E2F7: variants seen among roughly 807,000 people sequenced by gnomAD.
E2F7 encodes the protein transcription factor E2F7.
A neutral mutation model predicts 81.1 loss-of-function variants in E2F7; 35 were observed. The ratio of observed to expected loss-of-function variants is 0.43; its 90% confidence interval spans 0.33 to 0.57. The LOEUF (loss-of-function observed/expected upper bound fraction) is 0.57. E2F7 is among the 20% of genes least tolerant of loss of function. The pLI is 0.04. For missense variants in E2F7, 961 were observed against 1,093.7 expected (o/e 0.88, Z 1.71); for synonymous variants, 416 against 416.2 (o/e 1.00, Z 0.01).
intron 1 of E2F7, 66 bp from the exon 2 acceptor site, chr12:77,064,701 T>A: frequency 7.7e-7 from 1 of 1,290,950 alleles, no homozygotes; most frequent in Non-Finnish European, 1.1e-6. Context: ...AACAAAAATA[T>A]CTACATATGT....
chr12:77,054,464 A>G (rs1032220390), intron 3 of E2F7, among the ~76,000 whole-genome samples: 7 of 152,216 alleles, frequency 4.6e-5, no homozygotes, highest in African/African-American at 1.7e-4. Flanking sequence ...CAAAAGATGT[A>G]TAACACCTGT....
At chr12:77,030,659 A>G (rs573361982) in intron 9 of E2F7, among the ~76,000 whole-genome samples, 81 of 152,304 alleles carry the variant, frequency 5.3e-4, no homozygotes, top group African/African-American at 1.9e-3. Flanking sequence ...GCATGTACAT[A>G]CTATTATAAT....
intron 3 of E2F7, among the ~76,000 whole-genome samples, chr12:77,054,339 A>G (rs1314917780): frequency 6.6e-6 from 1 of 152,106 alleles, no homozygotes; most frequent in Non-Finnish European, 1.5e-5. Flanking sequence ...ACACACACAC[A>G]AAAAAATCAA....
intron 10 of E2F7, among the ~76,000 whole-genome samples, chr12:77,029,124 C>G (rs1316357626): frequency 6.6e-6 from 1 of 152,204 alleles, no homozygotes; most frequent in Non-Finnish European, 1.5e-5. Flanking sequence ...TCTTTCACTT[C>G]TGATCTGCAA....
At chr12:77,046,611 T>C (rs1954944944) in intron 4 of E2F7, among the ~76,000 whole-genome samples, 1 of 152,240 alleles carries the variant, frequency 6.6e-6, no homozygotes, top group South Asian at 2.1e-4. Context: ...AACTGCTCTT[T>C]AGACCCATTA....
In E2F7 at chr12:77,055,991, G is replaced by A. The variant is rs146505406; in HGVS notation, c.233C>T (p.Ala78Val). ...GTTAGCTGTGGGTGTCCATGGTTCC[G>A]CTTGCTGTCTGTCAACAAACTTAAC... ...TPVKFVDRQQ[A>V]EPWTPTANLK... is the part of the protein sequence containing the mutation. Residue 78 changes from alanine to valine, a missense_variant, in exon 3 of 13, where the codon GCG becomes GTG. Physicochemically the swap from Ala to Val is moderately conservative, Grantham distance 64. Coordinates refer to ENST00000322886, the MANE Select transcript of E2F7 (RefSeq NM_203394.3). 6.7e-5 allele frequency: 108 copies of A among 1,613,994 alleles called. No homozygotes were observed. The highest frequency in any genetic ancestry group is 1.6e-4 in the Middle Eastern group (1 of 6,084).
chr12:77,024,024 G>T lies in E2F7; in HGVS notation c.2727C>A (p.Gly909=). The T allele has an allele frequency of 6.2e-7, 1 of 1,613,414 alleles. No individual in the cohort carries two copies. Residue 909 remains glycine, a synonymous_variant, in exon 13 of 13, where the codon GGC becomes GGA. Coordinates refer to ENST00000322886, the MANE Select transcript of E2F7 (RefSeq NM_203394.3). The stretch of plus-strand genomic sequence containing the variant: ...CTGGCAAAGCGGCAGGTTAGTCAGC[G>T]CCGCCGCTGGGGATTTCTAGTCTCC... The part of the protein sequence containing the change: ...AQRRLEIPSG[G]AD
chr12:77,062,617 G>T (rs944726043), intron 2 of E2F7, among the ~76,000 whole-genome samples: 3 of 152,084 alleles, frequency 2.0e-5, no homozygotes, highest in African/African-American at 7.2e-5. Context: ...ACACACATTA[G>T]AATGTGAAAG....
rs1170018991 is a variant in E2F7, at chr12:77,065,559, G to C, written c.-215C>G. 1 of 152,364 alleles carries C rather than the reference G, an allele frequency of 6.6e-6. No homozygotes were observed. The highest frequency in any genetic ancestry group is 1.5e-5 in the Non-Finnish European group (1 of 68,184). 9.4% of individuals were successfully genotyped at this position (152,364 alleles called of 1,614,324 possible). On this transcript the variant is annotated 5_prime_UTR_variant, in exon 1 of 13. Coordinates refer to ENST00000322886, the MANE Select transcript of E2F7 (RefSeq NM_203394.3). ...GACCGGCCGAGCGCAACTCCAGCCT[G>C]GATCGTAGTCCCCGCTAAAACACCT...
chr12:77,051,478 G>A (rs1346908067), intron 3 of E2F7, among the ~76,000 whole-genome samples: 3 of 152,012 alleles, frequency 2.0e-5, no homozygotes, highest in Non-Finnish European at 1.5e-5. Context: ...AACATACCGG[G>A]GCCTGTCGTG....
At chr12:77,050,044 G>A (rs148819596) in intron 4 of E2F7, among the ~76,000 whole-genome samples, 78 of 152,138 alleles carry the variant, frequency 5.1e-4, no homozygotes, top group African/African-American at 1.7e-3. Context: ...GTGCACACAC[G>A]GATTCTTCTT....
chr12:77,024,926 A>T (rs1210421765), intron 12 of E2F7, among the ~76,000 whole-genome samples: 1 of 152,220 alleles, frequency 6.6e-6, no homozygotes, highest in Non-Finnish European at 1.5e-5. Context: ...TGTAATAGGA[A>T]TTCAACGAAT....
chr12:77,057,919 G>A (rs1051696472), intron 2 of E2F7, among the ~76,000 whole-genome samples: 1 of 152,182 alleles, frequency 6.6e-6, no homozygotes, highest in Non-Finnish European at 1.5e-5. Flanking sequence ...TGGTTGAGCA[G>A]GGGGTTACAG....
Position 77,022,606 on chromosome 12 carries a change from T to C in E2F7, c.*1409A>G, listed in dbSNP as rs1412243993. The C allele has an allele frequency of 6.6e-6, 1 of 151,874 alleles. No homozygotes were observed. The highest frequency in any genetic ancestry group is 1.5e-5 in the Non-Finnish European group (1 of 67,848). The allele number at this position is 151,874 out of a possible 1,614,324, so 9.4% of individuals were successfully genotyped here. ...CACCAGGATTCTACATCTAAGATAG[T>C]TTTAAGAGAGGAAGAGGAAGGAAGA... On this transcript the variant is annotated 3_prime_UTR_variant, in exon 13 of 13. Transcript: ENST00000322886.
At chr12:77,057,883 T>C (rs1592567619) in intron 2 of E2F7, among the ~76,000 whole-genome samples, 1 of 152,358 alleles carries the variant, frequency 6.6e-6, no homozygotes, top group South Asian at 2.1e-4. Context: ...CTGTACATTC[T>C]GTATAGCTAC....
chr12:77,056,379 C>G (rs1358147369), intron 2 of E2F7, among the ~76,000 whole-genome samples: 2 of 152,208 alleles, frequency 1.3e-5, no homozygotes. Flanking sequence ...AAAGAAATCA[C>G]AACGTATCTG....
chr12:77,041,927 C>A (rs916937648), intron 7 of E2F7, among the ~76,000 whole-genome samples: 1 of 152,160 alleles, frequency 6.6e-6, no homozygotes, highest in African/African-American at 2.4e-5. Context: ...AGGGCAGGGA[C>A]GACACCACCA....
At chr12:77,025,503 C>A in intron 12 of E2F7, 55 bp downstream of exon 12, 1 of 1,577,066 alleles carries the variant, frequency 6.3e-7, no homozygotes. Context: ...GAAAGCTAAA[C>A]ACAGGCATAC....
chr12:77,025,460 AG>A, intron 12 of E2F7, 97 bp downstream of exon 12: 3 of 1,380,012 alleles, frequency 2.2e-6, no homozygotes, highest in Admixed American at 4.0e-5. Context: ...AGCCTGACCT[AG>A]TGCCTCTGTC....
Sources: allele counts gnomAD v4.1 joint callset (sites outside exome capture counted in the v4.1 genomes callset), GRCh38; gene constraint gnomAD v4.1.1; transcripts MANE v1.5; gene names NCBI Gene and HGNC (gene_info 2026-07-23, HGNC 2026-07-21).